Variants in PCLO observed in about 807,000 individuals in gnomAD.
PCLO encodes piccolo presynaptic cytomatrix protein.
A neutral mutation model predicts 427.5 loss-of-function variants in PCLO; 82 were observed. The ratio of observed to expected loss-of-function variants is 0.19; its 90% CI spans 0.16 to 0.23. PCLO has a LOEUF of 0.23. Ranked by LOEUF, PCLO falls within the 10% of genes least tolerant of loss-of-function variation. PCLO has a pLI of 1.00. For missense variants in PCLO, 6,239 were observed against 6,115.9 expected (o/e 1.02, Z -0.67); for synonymous variants, 2,357 against 2,155.4 (o/e 1.09, Z -2.59).
intron 9 of PCLO, among the ~76,000 whole-genome samples, chr7:82,887,643 G>A (rs1172653943): frequency 1.3e-5 from 2 of 152,140 alleles, no homozygotes; most frequent in East Asian, 3.9e-4. Flanking sequence ...TAATGTTTCT[G>A]TGGAACTCAC....
intron 4 of PCLO, among the ~76,000 whole-genome samples, chr7:82,962,162 C>A (rs60667728): frequency 6.6e-6 from 1 of 152,222 alleles, no homozygotes; most frequent in East Asian, 1.9e-4. Flanking sequence ...AAATATAGAA[C>A]GTGCTTTGAA....
intron 3 of PCLO, among the ~76,000 whole-genome samples, chr7:83,050,081 C>A (rs1297023172): frequency 6.7e-6 from 1 of 149,340 alleles, no homozygotes; most frequent in African/African-American, 2.5e-5. Flanking sequence ...AAGGGGATTC[C>A]AATCATTAAT....
intron 22 of PCLO, among the ~76,000 whole-genome samples, chr7:82,772,631 T>G (rs1004646448): frequency 4.6e-5 from 7 of 152,202 alleles, no homozygotes; most frequent in Non-Finnish European, 1.0e-4. Context: ...AGCCTGCACA[T>G]TCTCTCTGTA....
At chr7:83,044,837 G>T (rs1388872936) in intron 3 of PCLO, among the ~76,000 whole-genome samples, 1 of 152,052 alleles carries the variant, frequency 6.6e-6, no homozygotes, top group Non-Finnish European at 1.5e-5. Context: ...CTATAAAATG[G>T]GGGTGTCGTG....
At chr7:82,773,869 T>C (rs899494779) in intron 22 of PCLO, among the ~76,000 whole-genome samples, 1 of 152,126 alleles carries the variant, frequency 6.6e-6, no homozygotes. Flanking sequence ...CAGCAAGAAA[T>C]CTGAAGGTAA....
chr7:82,781,328 C>A (rs1035183755), intron 22 of PCLO, among the ~76,000 whole-genome samples: 3 of 151,518 alleles, frequency 2.0e-5, no homozygotes, highest in South Asian at 4.2e-4. Flanking sequence ...CCCCCTCCAG[C>A]CCCCCAAAAA....
In PCLO at chr7:82,954,925, G is replaced by A. The variant is rs960623317; in HGVS notation, c.6028C>T (p.Leu2010Phe). The change falls in exon 5 of 25, where the codon CTC becomes TTC. Residue 2010 changes from leucine to phenylalanine, a missense_variant. Around this residue, in one of 5 missense-constraint regions of PCLO, gnomAD observed 4,677 missense variants for 4,468.4 expected, o/e 1.05. Transcript: ENST00000333891. Reference sequence around the variant, plus strand: ...TCTAACTCATAAAACTCTTTCTGGAGGTCTGTAATTTTCTGCATAGGATCT... The same window carrying A: ...TCTAACTCATAAAACTCTTTCTGGAAGTCTGTAATTTTCTGCATAGGATCT... ...YEDPMQKITD[L>F]QKEFYELESL... 3 of 1,613,496 alleles carry A rather than the reference G, an allele frequency of 1.9e-6. No individual in the cohort carries two copies. The highest frequency in any genetic ancestry group is 2.2e-5 in the East Asian group (1 of 44,874).
chr7:82,871,740 C>T (rs1197813495), intron 10 of PCLO, among the ~76,000 whole-genome samples: 1 of 151,494 alleles, frequency 6.6e-6, no homozygotes, highest in Non-Finnish European at 1.5e-5. Flanking sequence ...CTATTATGTG[C>T]CAATAAAAAA....
intron 3 of PCLO, among the ~76,000 whole-genome samples, chr7:82,997,297 T>A: frequency 6.6e-6 from 1 of 152,096 alleles, no homozygotes; most frequent in African/African-American, 2.4e-5. Context: ...GATCAAATAA[T>A]GTTGGAGCCA....
At chr7:82,976,503 A>C (rs983102019) in intron 3 of PCLO, among the ~76,000 whole-genome samples, 5 of 152,212 alleles carry the variant, frequency 3.3e-5, no homozygotes, top group African/African-American at 1.2e-4. Flanking sequence ...TCTAAGTGAT[A>C]CAGTCAGGCT....
rs1220384754 is a variant in PCLO at position 83,155,930 on chromosome 7, T to C, written c.711A>G (p.Lys237=). The C allele has an allele frequency of 6.2e-7, 1 of 1,613,856 alleles. No homozygotes were observed. The highest frequency in any genetic ancestry group is 1.7e-5 in the Admixed American group (1 of 60,000). The part of the protein sequence containing the change: ...RDPLQQDGTP[K]SISSQQPEKI... ...TTTCTGGTTGTTGAGAAGATATTGA[T>C]TTGGGAGTGCCATCCTGCTGAAGCG... The change falls in exon 2 of 25, where the codon AAA becomes AAG. Residue 237 remains lysine (K), a synonymous_variant. Transcript: ENST00000333891.
rs1026395383 is a variant in PCLO, at chr7:83,059,866, A to G, written c.3300+74384T>C. On this transcript the variant is annotated intron_variant, in intron 3 of 24. Transcript: ENST00000333891. ...AATAACATGAAAGGAATTAAGGAAC[A>G]TTTAAGTCCTTTAGAAGTGTGCTGA... Among the ~76,000 whole-genome samples the G allele has an allele frequency of 3.9e-5, 6 of 152,196 alleles. 1 individual carries two copies. The highest frequency in any genetic ancestry group is 3.9e-4 in the Admixed American group (6 of 15,280).
chr7:82,845,506 T>A (rs1792477692), intron 12 of PCLO, 21 bp from the exon 13 acceptor site: 1 of 1,503,692 alleles, frequency 6.7e-7, no homozygotes, highest in Non-Finnish European at 9.2e-7. Flanking sequence ...ATGAAAGAGA[T>A]TTACATACTT....
chr7:82,854,738 G>A (rs1476919306), intron 10 of PCLO, among the ~76,000 whole-genome samples: 2 of 151,944 alleles, frequency 1.3e-5, no homozygotes, highest in Non-Finnish European at 2.9e-5. Context: ...TTTTTAAATC[G>A]CTCAGAGTTA....
At chr7:83,013,772 T>C (rs898477557) in intron 3 of PCLO, among the ~76,000 whole-genome samples, 9 of 152,220 alleles carry the variant, frequency 5.9e-5, no homozygotes, top group African/African-American at 1.9e-4. Context: ...AATGGAACGT[T>C]TGTGTGAATA....
At chr7:83,110,961 A>T (rs564392062) in intron 3 of PCLO, among the ~76,000 whole-genome samples, 1 of 152,300 alleles carries the variant, frequency 6.6e-6, no homozygotes, top group Non-Finnish European at 1.5e-5. Context: ...TTACTATCCC[A>T]AATAAAGAAA....
intron 3 of PCLO, among the ~76,000 whole-genome samples, chr7:83,005,379 A>G (rs1787921115): frequency 6.6e-6 from 1 of 151,652 alleles, no homozygotes; most frequent in South Asian, 2.1e-4. Context: ...AACTCACAGA[A>G]ACAGAGAGCA....
chr7:82,764,181 G>T (rs1422785801), intron 22 of PCLO, among the ~76,000 whole-genome samples: 1 of 151,868 alleles, frequency 6.6e-6, no homozygotes, highest in African/African-American at 2.4e-5. Context: ...AGCAGAATGG[G>T]ATTACTGATT....
intron 7 of PCLO, among the ~76,000 whole-genome samples, chr7:82,912,539 C>T (rs1437199718): frequency 6.6e-6 from 1 of 151,742 alleles, no homozygotes; most frequent in East Asian, 1.9e-4. Context: ...GAATAATTTC[C>T]TTGTCTGCTT....
Sources: gnomAD v4.1 joint callset for allele counts (sites outside exome capture counted in the v4.1 genomes callset) on GRCh38, gnomAD v4.1.1 for gene constraint, gnomAD v4.1.1 regional missense constraint, MANE v1.5 for transcripts, NCBI Gene and HGNC (gene_info 2026-07-23, HGNC 2026-07-21) for gene names.